TRPV3: variants seen among roughly 807,000 people sequenced by gnomAD.
TRPV3 encodes transient receptor potential cation channel subfamily V member 3, also known as VRL-3.
A neutral mutation model predicts 87.1 loss-of-function variants in TRPV3; 88 were observed. The ratio of observed to expected loss-of-function variants is 1.01; its 90% CI spans 0.85 to 1.21. The LOEUF is 1.21. Ranked by LOEUF, TRPV3 falls within the 50% of genes most tolerant of loss-of-function variation. The pLI is 0.00. For synonymous variants in TRPV3, 438 were observed against 423.3 expected, an observed-to-expected ratio of 1.03 and a Z score of -0.43; for missense variants, 1,054 against 1,030.1, an observed-to-expected ratio of 1.02 and a Z score of -0.32.
At chr17:3,532,226 G>A (rs577010679) in intron 8 of TRPV3, among the ~76,000 whole-genome samples, 2 of 152,354 alleles carry the variant, frequency 1.3e-5, no homozygotes, top group East Asian at 3.9e-4. Flanking sequence ...AGTTCCAACC[G>A]CACAAACAGG....
intron 5 of TRPV3, 102 bp from the exon 6 acceptor site, chr17:3,542,800 T>A: frequency 8.0e-7 from 1 of 1,249,382 alleles, no homozygotes; most frequent in Non-Finnish European, 1.1e-6. Flanking sequence ...CCCAAGCCCC[T>A]GCTCCACATC....
chr17:3,514,235 C>G, intron 17 of TRPV3: 1 of 490,296 alleles, frequency 2.0e-6, no homozygotes. Context: ...CCTGCCACCA[C>G]GTTCGGCTAA....
At chr17:3,547,354 C>T (rs2150804911) in intron 2 of TRPV3, among the ~76,000 whole-genome samples, 1 of 152,242 alleles carries the variant, frequency 6.6e-6, no homozygotes, top group East Asian at 1.9e-4. Flanking sequence ...GGTGCAGTGG[C>T]CCAAGTCTGT....
At position 3,535,613 on chromosome 17, in the gene TRPV3, G is replaced by A. The variant is rs775125624; in HGVS notation, c.744C>T (p.Ala248=). The A allele has an allele frequency of 4.3e-6, 7 of 1,609,630 alleles. No individual in the cohort carries two copies. Among genetic ancestry groups the A allele is most frequent in the Non-Finnish European group, 5.9e-6 (7 of 1,178,732 alleles). Residue 248 remains alanine, a synonymous_variant, in exon 7 of 18, where the codon GCC becomes GCT. Transcript: ENST00000576742. ...GADVNAHAKG[A]FFNPKYQHEG... ...CGTGTTGGTACTTGGGGTTGAAGAAGGCCCCCTTGGCGTGCGCGTTGACGT... is the reference window on the plus strand; with the variant it reads ...CGTGTTGGTACTTGGGGTTGAAGAAAGCCCCCTTGGCGTGCGCGTTGACGT...
At chr17:3,549,787 GAATGGAT>G (rs1312226810) in intron 2 of TRPV3, among the ~76,000 whole-genome samples, 3 of 151,334 alleles carry the variant, frequency 2.0e-5, no homozygotes, top group Non-Finnish European at 4.4e-5. Context: ...GTAGATGAGT[GAATGGAT>G]GATGGATGGA....
chr17:3,526,811 A>G (rs1252860278), intron 12 of TRPV3, 43 bp downstream of exon 12: 2 of 1,538,952 alleles, frequency 1.3e-6, no homozygotes, highest in South Asian at 1.2e-5. Context: ...CAGGACGTCA[A>G]CCCTGCCTGT....
intron 14 of TRPV3, among the ~76,000 whole-genome samples, chr17:3,519,667 T>C (rs1389918044): frequency 2.3e-4 from 32 of 142,212 alleles, no homozygotes; most frequent in Non-Finnish European, 4.3e-4. Context: ...GATGGACTGA[T>C]TGATCGATGG....
At position 3,530,211 on chromosome 17, in the gene TRPV3, A is replaced by G. The variant is rs1369462612; in HGVS notation, c.1066-8T>C. 2 of 1,607,264 alleles carry G rather than the reference A, an allele frequency of 1.2e-6. No homozygotes were observed. The highest frequency in any genetic ancestry group is 1.7e-5 in the Admixed American group (1 of 59,676). ...GAGGATGTACTTCAGGATCTGGGACAGGAGGAGGAACAACCATCAGCTGCA... is the reference window on the plus strand; with the variant it reads ...GAGGATGTACTTCAGGATCTGGGACGGGAGGAGGAACAACCATCAGCTGCA... On this transcript the variant is annotated splice_region_variant and splice_polypyrimidine_tract_variant and intron_variant, in intron 8 of 17. Coordinates refer to ENST00000576742, the MANE Select transcript of TRPV3 (RefSeq NM_145068.4). The surrounding 1 kb of genome is among the most constrained non-coding windows in gnomAD (Gnocchi z 4.0).
At chr17:3,551,741 G>A (rs1397867503) in intron 2 of TRPV3, among the ~76,000 whole-genome samples, 2 of 152,032 alleles carry the variant, frequency 1.3e-5, no homozygotes, top group African/African-American at 2.4e-5. Flanking sequence ...GGAATGGCAC[G>A]ATGGTTCAGG....
At position 3,513,975 on chromosome 17, in the gene TRPV3, CTGT is replaced by C; in HGVS notation, c.2312_2314del (p.Asn771del). On this transcript the variant is annotated inframe_deletion, in exon 18 of 18. Transcript: ENST00000576742. ...TTCAAATGCATTGAGAGTGGTTTTG[CTGT>C]TGTTCCTGGAAGAATCTTGGATTTT... is the stretch of plus-strand genomic sequence containing the variant. 1.2e-6 allele frequency: 2 copies of C among 1,614,078 alleles called. No homozygotes were observed. The highest frequency in any genetic ancestry group is 1.7e-6 in the Non-Finnish European group (2 of 1,179,950).
chr17:3,550,510 C>A (rs890093286), intron 2 of TRPV3, among the ~76,000 whole-genome samples: 14 of 149,982 alleles, frequency 9.3e-5, no homozygotes, highest in Non-Finnish European at 3.0e-5. Flanking sequence ...CTCTCATTTT[C>A]CTGCCTGCTC....
chr17:3,521,155 C>A, intron 13 of TRPV3, 116 bp from the exon 14 acceptor site: 1 of 488,624 alleles, frequency 2.0e-6, no homozygotes, highest in Admixed American at 3.3e-5. Context: ...TTCACTTGGG[C>A]CACTCTCCCT....
At chr17:3,521,165 T>G in intron 13 of TRPV3, 126 bp from the exon 14 acceptor site, 4 of 428,128 alleles carry the variant, frequency 9.3e-6, no homozygotes, top group African/African-American at 2.7e-5. Context: ...CCACTCTCCC[T>G]TCCCCCAGCC....
In TRPV3 at chr17:3,516,546, A is replaced by G; in HGVS notation, c.2109T>C (p.Phe703=). ...RLQRARTILE[F]EKMLPEWLRS... ...TCAGCCATTCTGGTAACATTTTCTC[A>G]AACTCCAAGATGGTCCTGGCTCTCT... is the stretch of plus-strand genomic sequence containing the variant. Residue 703 remains phenylalanine, a synonymous_variant, in exon 16 of 18, where the codon TTT becomes TTC. Coordinates refer to ENST00000576742, the MANE Select transcript of TRPV3 (RefSeq NM_145068.4). 6.2e-7 allele frequency: 1 copy of G among 1,614,082 alleles called. No individual in the cohort carries two copies. Among genetic ancestry groups the G allele is most frequent in the Non-Finnish European group, 8.5e-7 (1 of 1,179,968 alleles).
At chr17:3,533,222 A>T (rs1016501545) in intron 7 of TRPV3, among the ~76,000 whole-genome samples, 3 of 152,030 alleles carry the variant, frequency 2.0e-5, no homozygotes, top group Non-Finnish European at 4.4e-5. Context: ...GGTTCCAATG[A>T]CAGCCCACAA....
At position 3,557,217 on chromosome 17, in the gene TRPV3, C is replaced by T. The variant is rs945132867; in HGVS notation, c.-3+459G>A. On this transcript the variant is annotated intron_variant, in intron 1 of 17. Transcript: ENST00000576742. The surrounding 1 kb of genome is among the most constrained non-coding windows in gnomAD (Gnocchi z 4.5). Reference sequence around the variant, plus strand: ...AAATGGCCTTTCCCGGGCGACAGACCAGGCCGCGGAGCCACAGCTGCTGAC... The same window carrying T: ...AAATGGCCTTTCCCGGGCGACAGACTAGGCCGCGGAGCCACAGCTGCTGAC... Among the ~76,000 whole-genome samples, 2 of 152,186 alleles carry T rather than the reference C, an allele frequency of 1.3e-5. No individual in the cohort carries two copies. The highest frequency in any genetic ancestry group is 2.4e-5 in the African/African-American group (1 of 41,436).
At chr17:3,545,139 A>G (rs1393906605) in intron 3 of TRPV3, 28 bp downstream of exon 3, 11 of 1,555,230 alleles carry the variant, frequency 7.1e-6, no homozygotes, top group Admixed American at 6.7e-5. Context: ...GGCCCAGGGC[A>G]AGGGGTTGGG....
At chr17:3,541,354 C>T (rs368760006) in intron 6 of TRPV3, among the ~76,000 whole-genome samples, 1 of 152,118 alleles carries the variant, frequency 6.6e-6, no homozygotes, top group Non-Finnish European at 1.5e-5. Context: ...GGCAACAGAG[C>T]GAGACTCCAT....
chr17:3,516,631 A>G, intron 15 of TRPV3, 62 bp from the exon 16 acceptor site: 2 of 1,244,062 alleles, frequency 1.6e-6, no homozygotes, highest in Non-Finnish European at 2.4e-6. Context: ...ACAAGGGCAC[A>G]CACACTGTCG....
Sources: gnomAD v4.1 joint callset for allele counts (sites outside exome capture counted in the v4.1 genomes callset) on GRCh38, gnomAD v4.1.1 for gene constraint, Gnocchi (gnomAD v3.1) non-coding constraint, MANE v1.5 for transcripts, NCBI Gene and HGNC (gene_info 2026-07-23, HGNC 2026-07-21) for gene names.